AGAP1: variants seen among roughly 807,000 people sequenced by gnomAD.
AGAP1 encodes the protein ArfGAP with GTPase domain, ankyrin repeat and PH domain 1.
AGAP1 carries 29 observed loss-of-function variants against 105.3 expected under a neutral mutation model. That is an observed-to-expected ratio of 0.28 (90% CI 0.21 to 0.38). The LOEUF is 0.38. Ranked by LOEUF, AGAP1 falls within the 10% of genes least tolerant of loss-of-function variation. The pLI is 1.00. For synonymous variants in AGAP1, 509 were observed against 485.9 expected, an observed-to-expected ratio of 1.05 and a Z score of -0.63; for missense variants, 998 against 1,165.1, an observed-to-expected ratio of 0.86 and a Z score of 2.09.
rs981275303 is a variant in AGAP1 at position 235,753,170 on chromosome 2, C to T, written c.673+2682C>T. ...CACCCAGCACGTTCAAGGCAGAGGA[C>T]AGGCAGCCACCCACCTCTGTGTTGG... On this transcript the variant is annotated intron_variant, in intron 6 of 17. Transcript: ENST00000304032. This position sits in a 1 kb window ranked among gnomAD's most constrained non-coding sequence, Gnocchi z 4.5. Among the ~76,000 whole-genome samples the T allele has an allele frequency of 6.6e-6, 1 of 152,188 alleles. No individual in the cohort carries two copies. The highest frequency in any genetic ancestry group is 1.5e-5 in the Non-Finnish European group (1 of 68,034).
chr2:235,819,716 A>G (rs1390208714), intron 9 of AGAP1, among the ~76,000 whole-genome samples: 3 of 151,712 alleles, frequency 2.0e-5, no homozygotes, highest in Non-Finnish European at 4.4e-5. Flanking sequence ...TTCCCTGTTT[A>G]TAGCTATGTG....
intron 1 of AGAP1, among the ~76,000 whole-genome samples, chr2:235,534,803 C>T (rs764363238): frequency 1.3e-5 from 2 of 152,138 alleles, no homozygotes; most frequent in Non-Finnish European, 2.9e-5. Flanking sequence ...AACGGCAGCC[C>T]GTGCAGGCGT....
At chr2:236,116,357 CT>C (rs371846381) in intron 16 of AGAP1, among the ~76,000 whole-genome samples, 12 of 129,018 alleles carry the variant, frequency 9.3e-5, no homozygotes, top group East Asian at 2.2e-4. Flanking sequence ...TAATTAAGTT[CT>C]TTTTTTTTTG....
At chr2:235,818,057 C>T (rs562873552) in intron 9 of AGAP1, among the ~76,000 whole-genome samples, 28 of 152,316 alleles carry the variant, frequency 1.8e-4, no homozygotes, top group Middle Eastern at 3.4e-3. Flanking sequence ...TGGTTCAATC[C>T]GATCTGCTCC....
Position 236,076,602 on chromosome 2 carries a change from G to C in AGAP1, c.2114+27321G>C, listed in dbSNP as rs572223492. 5.3e-5 allele frequency among the ~76,000 whole-genome samples: 8 copies of C among 152,298 alleles called. No homozygotes were observed. The highest frequency in any genetic ancestry group is 1.9e-4 in the African/African-American group (8 of 41,556). ...TACTCCTAGAAATTTTAATCTCAGA[G>C]AATGATGATAGATGTTTCTGGAAAA... On this transcript the variant is annotated intron_variant, in intron 16 of 17. Coordinates refer to ENST00000304032, the MANE Select transcript of AGAP1 (RefSeq NM_001037131.3). The surrounding 1 kb of genome is among the most constrained non-coding windows in gnomAD (Gnocchi z 4.4).
intron 1 of AGAP1, among the ~76,000 whole-genome samples, chr2:235,495,785 G>T (rs1024618402): frequency 5.9e-5 from 9 of 152,234 alleles, no homozygotes; most frequent in Non-Finnish European, 7.3e-5. Context: ...TGGGGCACCA[G>T]GTGGCATGTG....
In AGAP1 at chr2:235,866,450, C is replaced by T. The variant is rs1373854311; in HGVS notation, c.1051-16895C>T. Among the ~76,000 whole-genome samples the T allele has an allele frequency of 1.3e-5, 2 of 152,160 alleles. No individual in the cohort carries two copies. The highest frequency in any genetic ancestry group is 2.9e-5 in the Non-Finnish European group (2 of 68,030). ...GAGACTCCAGCAAGTGGGGAAGAGA[C>T]AGCGGAAGTCCCCAGTGTGACACCA... On this transcript the variant is annotated intron_variant, in intron 9 of 17. Coordinates refer to ENST00000304032, the MANE Select transcript of AGAP1 (RefSeq NM_001037131.3). This position sits in a 1 kb window ranked among gnomAD's most constrained non-coding sequence, Gnocchi z 6.1.
rs2059999261 is a variant in AGAP1 at position 236,126,010 on chromosome 2, A to C, written c.*1888A>C. The C allele has an allele frequency of 6.6e-6, 1 of 152,052 alleles. No homozygotes were observed. The highest frequency in any genetic ancestry group is 2.4e-5 in the African/African-American group (1 of 41,292). The allele number at this position is 152,052 out of a possible 1,614,324, so 9.4% of individuals were successfully genotyped here. A position where few individuals can be genotyped will look rare whatever the true frequency, so the allele number is the denominator to read the frequency against. On this transcript the variant is annotated 3_prime_UTR_variant, in exon 18 of 18. Coordinates refer to ENST00000304032, the MANE Select transcript of AGAP1 (RefSeq NM_001037131.3). ...CGTATGTTAAACCTTATATTTTATA[A>C]GAGTTTTTCCTCTTATTTCACTTTT...
chr2:235,881,509 G>C (rs766890773), intron 9 of AGAP1, among the ~76,000 whole-genome samples: 7 of 152,202 alleles, frequency 4.6e-5, no homozygotes, highest in African/African-American at 7.2e-5. Context: ...TAAAGAGATT[G>C]TTCCATTTTT....
chr2:235,535,202 G>A lies in AGAP1; in HGVS notation c.163+40353G>A, dbSNP rs1037477775. Among the ~76,000 whole-genome samples the A allele has an allele frequency of 7.2e-5, 11 of 152,086 alleles. No homozygotes were observed. The highest frequency in any genetic ancestry group is 2.7e-4 in the African/African-American group (11 of 41,412). ...CACCCGCACCAGGTTGCCTCCCATC[G>A]TTTGCAGGAGCGGAAGACCCGATGG... On this transcript the variant is annotated intron_variant, in intron 1 of 17. Transcript: ENST00000304032. The surrounding 1 kb of genome is among the most constrained non-coding windows in gnomAD (Gnocchi z 5.1).
chr2:236,098,063 A>ATT (rs966222303), intron 16 of AGAP1, among the ~76,000 whole-genome samples: 7 of 152,226 alleles, frequency 4.6e-5, no homozygotes, highest in Admixed American at 4.6e-4. Flanking sequence ...GATAGAGCAC[A>ATT]TTTTGCTTAT....
intron 1 of AGAP1, among the ~76,000 whole-genome samples, chr2:235,573,553 A>T (rs971537083): frequency 6.7e-6 from 1 of 149,498 alleles, no homozygotes; most frequent in Admixed American, 6.6e-5. Context: ...TGATGTCATT[A>T]TAGTTACTAT....
chr2:235,742,529 G>A (rs1952651661), intron 4 of AGAP1, among the ~76,000 whole-genome samples: 1 of 152,150 alleles, frequency 6.6e-6, no homozygotes, highest in East Asian at 1.9e-4. Context: ...AGCAGTTTGA[G>A]CCCATGTTCA....
rs1559702302 is a variant in AGAP1 at position 235,965,038 on chromosome 2, CAG to C, written c.1484-3423_1484-3422del. On this transcript the variant is annotated intron_variant, in intron 12 of 17. Transcript: ENST00000304032. The surrounding 1 kb of genome is among the most constrained non-coding windows in gnomAD (Gnocchi z 5.8). ...CAACCAAACTGTCATAGTGCAGGCT[CAG>C]GGGGTCTCAGGACTGCTGGCTACAC... is the stretch of plus-strand genomic sequence containing the variant. Among the ~76,000 whole-genome samples the C allele has an allele frequency of 6.6e-6, 1 of 152,202 alleles. No homozygotes were observed. The highest frequency in any genetic ancestry group is 1.5e-5 in the Non-Finnish European group (1 of 68,038).
chr2:235,651,739 T>C (rs552550112), intron 1 of AGAP1, among the ~76,000 whole-genome samples: 1 of 152,344 alleles, frequency 6.6e-6, no homozygotes, highest in Non-Finnish European at 1.5e-5. Flanking sequence ...AATGTGAATG[T>C]ATGAAATGCT....
chr2:235,522,869 A>T (rs1942675435), intron 1 of AGAP1, among the ~76,000 whole-genome samples: 1 of 152,104 alleles, frequency 6.6e-6, no homozygotes, highest in Admixed American at 6.5e-5. Flanking sequence ...GCAGAAGAGG[A>T]GAAGGATAGA....
intron 6 of AGAP1, among the ~76,000 whole-genome samples, chr2:235,796,067 T>C (rs750574469): frequency 1.3e-5 from 2 of 152,234 alleles, no homozygotes; most frequent in Non-Finnish European, 2.9e-5. Context: ...TGCACATTTC[T>C]TACGAATGTA....
At chr2:235,598,951 AAAT>A (rs1262721875) in intron 1 of AGAP1, among the ~76,000 whole-genome samples, 3 of 152,200 alleles carry the variant, frequency 2.0e-5, no homozygotes, top group Non-Finnish European at 4.4e-5. Context: ...CAGCTGCTTT[AAAT>A]ATTTGGCTGG....
intron 9 of AGAP1, among the ~76,000 whole-genome samples, chr2:235,827,576 C>T (rs1174985007): frequency 1.3e-5 from 2 of 152,058 alleles, no homozygotes. Context: ...CTTAGTGTGC[C>T]AGGATACTTT....
Sources: gnomAD v4.1 joint callset for allele counts (sites outside exome capture counted in the v4.1 genomes callset) on GRCh38, gnomAD v4.1.1 for gene constraint, Gnocchi (gnomAD v3.1) non-coding constraint, MANE v1.5 for transcripts, NCBI Gene and HGNC (gene_info 2026-07-23, HGNC 2026-07-21) for gene names.